PPARG: variants seen among roughly 807,000 people sequenced by gnomAD.
PPARG encodes the protein peroxisome proliferator activated receptor gamma.
PPARG carries 17 observed loss-of-function variants against 39.2 expected under a neutral mutation model. The ratio of observed to expected loss-of-function variants is 0.43; its 90% CI spans 0.30 to 0.65. PPARG has a LOEUF of 0.65. Ranked by LOEUF, PPARG falls within the 30% of genes least tolerant of loss-of-function variation. The probability of loss-of-function intolerance (pLI) is 0.13; values close to 1 mark genes in which losing one functional copy is unlikely to be tolerated. For missense variants in PPARG, 406 were observed against 585.9 expected (o/e 0.69, Z 3.17); for synonymous variants, 223 against 215.7 (o/e 1.03, Z -0.30).
intron 7 of PPARG, among the ~76,000 whole-genome samples, chr3:12,432,875 T>C (rs771160184): frequency 3.3e-5 from 5 of 152,154 alleles, no homozygotes; most frequent in Non-Finnish European, 5.9e-5. Context: ...CCATTCACAA[T>C]AGAAGCTATA....
At chr3:12,379,217 C>G (rs1249966233) in intron 2 of PPARG, among the ~76,000 whole-genome samples, 2 of 152,048 alleles carry the variant, frequency 1.3e-5, no homozygotes, top group Non-Finnish European at 2.9e-5. Flanking sequence ...GTTGGCCAGG[C>G]TGGTCTCGAA....
Position 12,434,186 on chromosome 3 carries a change from G to C in PPARG, c.*41G>C. The C allele has an allele frequency of 6.2e-7, 1 of 1,613,542 alleles. No individual in the cohort carries two copies. Among genetic ancestry groups the C allele is most frequent in the South Asian group, 1.1e-5 (1 of 90,976 alleles). ...CACTGCCAACATTTCCCTTCTTCCA[G>C]TTGCACTATTCTGAGGGAAAATCTG... On this transcript the variant is annotated 3_prime_UTR_variant, in exon 8 of 8. Coordinates refer to ENST00000651735, the MANE Select transcript of PPARG (RefSeq NM_138711.6). This position sits in a 1 kb window ranked among gnomAD's most constrained non-coding sequence, Gnocchi z 4.2.
intron 2 of PPARG, among the ~76,000 whole-genome samples, chr3:12,341,131 T>C (rs899603669): frequency 9.9e-5 from 15 of 150,796 alleles, no homozygotes; most frequent in South Asian, 4.2e-4. Context: ...TGCAGTGAGC[T>C]GAGATCACGC....
chr3:12,295,336 A>G (rs1172963798), intron 1 of PPARG, among the ~76,000 whole-genome samples: 1 of 152,212 alleles, frequency 6.6e-6, no homozygotes, highest in African/African-American at 2.4e-5. Context: ...AACTTCAAAA[A>G]TCATTTGCAT....
intron 7 of PPARG, among the ~76,000 whole-genome samples, chr3:12,420,095 C>G (rs906380526): frequency 6.6e-6 from 1 of 152,312 alleles, no homozygotes; most frequent in South Asian, 2.1e-4. Flanking sequence ...TAGATAGATA[C>G]ATACATACAC....
At chr3:12,306,959 G>A (rs1030398862) in intron 1 of PPARG, among the ~76,000 whole-genome samples, 2 of 152,008 alleles carry the variant, frequency 1.3e-5, no homozygotes, top group South Asian at 2.1e-4. Flanking sequence ...TTAGCCGGGC[G>A]TGGTGGTGGG....
In PPARG at chr3:12,381,498, A is replaced by T. The variant is rs752761839; in HGVS notation, c.390+7A>T. 2.7e-5 allele frequency: 42 copies of T among 1,567,420 alleles called. No homozygotes were observed. The highest frequency in any genetic ancestry group is 2.1e-4 in the Admixed American group (12 of 58,408). On this transcript the variant is annotated splice_region_variant and intron_variant, in intron 4 of 7. Transcript: ENST00000651735. ...TGCTTGTGAAGGATGCAAGGTAATT[A>T]AAAAAAAAGTCTTCAAAGAAATTGT...
At chr3:12,360,824 A>G (rs1421467660) in intron 2 of PPARG, among the ~76,000 whole-genome samples, 6 of 152,246 alleles carry the variant, frequency 3.9e-5, no homozygotes, top group African/African-American at 9.6e-5. Context: ...CAACATATTT[A>G]TCCTACTGTT....
intron 6 of PPARG, among the ~76,000 whole-genome samples, chr3:12,415,435 C>G (rs1194610827): frequency 6.6e-6 from 1 of 152,204 alleles, no homozygotes; most frequent in Admixed American, 6.5e-5. Flanking sequence ...CAAGGTTTAA[C>G]TCCTTATGTG....
chr3:12,358,096 A>G (rs928516455), intron 2 of PPARG, among the ~76,000 whole-genome samples: 2 of 152,236 alleles, frequency 1.3e-5, no homozygotes, highest in Non-Finnish European at 2.9e-5. Context: ...TATGTTTTGA[A>G]TTATCTGTTA....
chr3:12,348,226 A>G (rs767171352), intron 2 of PPARG, among the ~76,000 whole-genome samples: 3 of 151,608 alleles, frequency 2.0e-5, no homozygotes, highest in Non-Finnish European at 4.4e-5. Context: ...ATAACTTTAT[A>G]TAGGTTCAAT....
At chr3:12,305,239 A>C (rs10510410) in intron 1 of PPARG, among the ~76,000 whole-genome samples, 42,267 of 152,062 alleles carry the variant, frequency 0.28, 5,984 homozygotes, top group East Asian at 0.33. Flanking sequence ...TGAGTGTAAT[A>C]TGGAAGTGAA....
At chr3:12,315,691 T>C (rs2047370307) in intron 2 of PPARG, among the ~76,000 whole-genome samples, 1 of 152,196 alleles carries the variant, frequency 6.6e-6, no homozygotes, top group Non-Finnish European at 1.5e-5. Flanking sequence ...CTCCCATCCC[T>C]ACCTCTACAA....
At chr3:12,293,267 A>G (rs948881545) in intron 1 of PPARG, among the ~76,000 whole-genome samples, 1 of 152,210 alleles carries the variant, frequency 6.6e-6, no homozygotes, top group Non-Finnish European at 1.5e-5. Flanking sequence ...GTTGGATTCA[A>G]TATCTGTTTA....
intron 2 of PPARG, among the ~76,000 whole-genome samples, chr3:12,346,926 G>A (rs997032620): frequency 6.6e-6 from 1 of 152,028 alleles, no homozygotes; most frequent in Admixed American, 6.6e-5. Context: ...GTGAGCCATT[G>A]CACCTAGCAG....
chr3:12,362,880 A>T (rs922397591), intron 2 of PPARG, among the ~76,000 whole-genome samples: 10 of 149,262 alleles, frequency 6.7e-5, no homozygotes, highest in African/African-American at 2.2e-4. Context: ...TTTTTTATTT[A>T]AAAAAAAAAT....
chr3:12,416,282 G>A (rs1199046869), intron 6 of PPARG, among the ~76,000 whole-genome samples: 1 of 152,212 alleles, frequency 6.6e-6, no homozygotes, highest in Non-Finnish European at 1.5e-5. Context: ...AGGAGGCTGA[G>A]GCACAAGAAT....
chr3:12,292,917 T>C (rs2972164), intron 1 of PPARG, among the ~76,000 whole-genome samples: 72,199 of 152,034 alleles, frequency 0.47, 19,405 homozygotes, highest in East Asian at 0.93. Flanking sequence ...TGTGGAGCTA[T>C]AAAGCCCAAG....
chr3:12,404,032 C>T (rs1575121611), intron 5 of PPARG, among the ~76,000 whole-genome samples: 1 of 152,242 alleles, frequency 6.6e-6, no homozygotes, highest in Non-Finnish European at 1.5e-5. Context: ...AAGCCTAGCA[C>T]CAGGGGCTGG....
Sources: allele counts gnomAD v4.1 joint callset (sites outside exome capture counted in the v4.1 genomes callset), GRCh38; gene constraint gnomAD v4.1.1; non-coding constraint Gnocchi (gnomAD v3.1); transcripts MANE v1.5; gene names NCBI Gene and HGNC (gene_info 2026-07-23, HGNC 2026-07-21).